The following USP4 variants were observed in gnomAD, a reference collection of about 807,000 sequenced individuals.
USP4 encodes ubiquitin carboxyl-terminal hydrolase 4.
USP4 carries 72 observed loss-of-function variants against 118.2 expected under a neutral mutation model. That is an observed-to-expected ratio of 0.61 (90% CI 0.50 to 0.74). USP4 has a LOEUF of 0.74. Among genes scored for constraint, USP4 ranks in the 30% least tolerant of loss-of-function variants. The probability of loss-of-function intolerance (pLI) is 0.00; values close to 1 mark genes in which losing one functional copy is unlikely to be tolerated. For missense variants in USP4, 1,037 were observed against 1,185.7 expected, an observed-to-expected ratio of 0.87 and a Z score of 1.84; for synonymous variants, 415 against 440.4, an observed-to-expected ratio of 0.94 and a Z score of 0.72.
At chr3:49,318,392 T>A (rs931121102) in intron 6 of USP4, 2 of 985,464 alleles carry the variant, frequency 2.0e-6, no homozygotes, top group Non-Finnish European at 2.4e-6. Context: ...GGGACACCAA[T>A]CTCTTCTGGC....
In USP4 at chr3:49,324,742, T is replaced by A. The variant is rs777065863; in HGVS notation, c.655A>T (p.Asn219Tyr). Residue 219 changes from asparagine (N) to tyrosine (Y), a missense_variant, in exon 6 of 22, where the codon AAT becomes TAT. By Grantham distance (143) the Asn-to-Tyr change is moderately radical. Around this residue, in one of 3 missense-constraint regions of USP4, gnomAD observed 487 missense variants for 534.1 expected, o/e 0.91. Transcript: ENST00000265560. ...QGQVLVIEPQNEDGTWPRQTL... is the reference protein window; with the variant it reads ...QGQVLVIEPQYEDGTWPRQTL... ...TGCCTGGGCCATGTGCCATCTTCAT[T>A]TTGAGGCTCAATTACTAGCACCTGA... 3 of 1,614,186 alleles carry A rather than the reference T, an allele frequency of 1.9e-6. No individual in the cohort carries two copies. Among genetic ancestry groups the A allele is most frequent in the Admixed American group, 1.7e-5 (1 of 60,008 alleles).
Position 49,335,528 on chromosome 3 carries a change from T to C in USP4, c.170A>G (p.Tyr57Cys), listed in dbSNP as rs1255842246. 2 of 1,614,254 alleles carry C rather than the reference T, an allele frequency of 1.2e-6. No individual in the cohort carries two copies. The highest frequency in any genetic ancestry group is 1.1e-5 in the South Asian group (1 of 91,086). Residue 57 changes from tyrosine (Y) to cysteine (C), a missense_variant, in exon 2 of 22, where the codon TAC (tyrosine) becomes TGC (cysteine). Tyr to Cys is a radical substitution (Grantham distance 194, BLOSUM62 -2). Coordinates refer to ENST00000265560, the MANE Select transcript of USP4 (RefSeq NM_003363.4). The part of the protein sequence containing the change: ...KYVGFDSWDM[Y>C]NVGEHNLFPG... The stretch of plus-strand genomic sequence containing the variant: ...AAATAGGTTATGTTCACCCACATTG[T>C]ACATGTCCCAGCTGTCAAAGCCCAC...
At chr3:49,312,503 G>A (rs1317799195) in intron 6 of USP4, 2 of 452,616 alleles carry the variant, frequency 4.4e-6, no homozygotes, top group Non-Finnish European at 8.8e-6. Context: ...CAGATGTGAT[G>A]GCGCTACTCG....
intron 6 of USP4, chr3:49,317,541 TG>T (rs377577076): frequency 9.1e-5 from 51 of 563,144 alleles, no homozygotes; most frequent in Admixed American, 4.3e-4. Flanking sequence ...TTTGTTTGTT[TG>T]TTTTTTTTTT....
chr3:49,335,174 C>A (rs1575624539), intron 2 of USP4, among the ~76,000 whole-genome samples: 1 of 152,302 alleles, frequency 6.6e-6, no homozygotes, highest in African/African-American at 2.4e-5. Context: ...CATCCTATTT[C>A]TTTCCATTCC....
intron 1 of USP4, among the ~76,000 whole-genome samples, chr3:49,336,941 G>A (rs971701382): frequency 1.2e-4 from 19 of 152,116 alleles, no homozygotes; most frequent in Non-Finnish European, 2.8e-4. Context: ...AAATGGGTTA[G>A]AAACACCACC....
At chr3:49,326,630 C>T (rs1178940727) in intron 3 of USP4, among the ~76,000 whole-genome samples, 5 of 151,272 alleles carry the variant, frequency 3.3e-5, no homozygotes, top group African/African-American at 7.3e-5. Context: ...CTCTTAACCT[C>T]GTGATCCGCC....
chr3:49,319,303 CA>C (rs1370012129), intron 6 of USP4, among the ~76,000 whole-genome samples: 6 of 152,046 alleles, frequency 3.9e-5, no homozygotes, highest in Non-Finnish European at 8.8e-5. Context: ...GGCTGGAGTG[CA>C]GTGGCGCGAT....
chr3:49,287,645 G>A (rs921492504), intron 15 of USP4, among the ~76,000 whole-genome samples: 1 of 151,930 alleles, frequency 6.6e-6, no homozygotes, highest in East Asian at 1.9e-4. Context: ...GCTAATTTTT[G>A]TATTTTTAGT....
intron 2 of USP4, among the ~76,000 whole-genome samples, chr3:49,328,188 T>A (rs2047577177): frequency 6.6e-6 from 1 of 151,964 alleles, no homozygotes; most frequent in Non-Finnish European, 1.5e-5. Flanking sequence ...TGAAACCCCG[T>A]CTCTACTAAA....
intron 13 of USP4, among the ~76,000 whole-genome samples, chr3:49,295,000 A>G (rs1042586178): frequency 6.6e-6 from 1 of 152,176 alleles, no homozygotes; most frequent in African/African-American, 2.4e-5. Flanking sequence ...TAAAAAATGT[A>G]TTGAGTTGGC....
chr3:49,280,668 A>G lies in USP4; in HGVS notation c.2644+76T>C, dbSNP rs925257256. The G allele has an allele frequency of 2.1e-5, 26 of 1,239,854 alleles. No homozygotes were observed. The African/African-American group carries it at 3.7e-4, about 18-fold the overall frequency. The allele number at this position is 1,239,854 out of a possible 1,614,324, so 76.8% of individuals were successfully genotyped here. On this transcript the variant is annotated intron_variant, in intron 20 of 21. Coordinates refer to ENST00000265560, the MANE Select transcript of USP4 (RefSeq NM_003363.4). ...CTGCATAAGCAAAGCATTTAGGGCA[A>G]TGCCTGGTCCACTGGTGAGAGATGA...
At chr3:49,304,384 T>C (rs1438051924) in intron 9 of USP4, among the ~76,000 whole-genome samples, 1 of 151,988 alleles carries the variant, frequency 6.6e-6, no homozygotes, top group African/African-American at 2.4e-5. Flanking sequence ...GTTGGGGCAA[T>C]GGAAAGCCCA....
In USP4 at chr3:49,340,005, C is replaced by A. The variant is rs774744848; in HGVS notation, c.20G>T (p.Cys7Phe). ...AGTCTCCGCATCCGGTCGCTCACGG[C>A]AGCCTCCACCTTCCGCCATCTCCTC... MAEGGG[C>F]RERPDAETQK... is the part of the protein sequence containing the mutation. The change falls in exon 1 of 22, where the codon TGC becomes TTC. Residue 7 changes from cysteine to phenylalanine, a missense_variant. Physicochemically the swap from Cys to Phe is radical, Grantham distance 205. Around this residue, in one of 3 missense-constraint regions of USP4, gnomAD observed 487 missense variants for 534.1 expected, o/e 0.91. Coordinates refer to ENST00000265560, the MANE Select transcript of USP4 (RefSeq NM_003363.4). The A allele has an allele frequency of 7.2e-5, 116 of 1,609,480 alleles. No individual in the cohort carries two copies. The highest frequency in any genetic ancestry group is 5.9e-5 in the Non-Finnish European group (70 of 1,179,822).
In USP4 at chr3:49,277,257, A is replaced by C; in HGVS notation, c.*1036T>G. Reference sequence around the variant, plus strand: ...TGCCCCGCGCAGGCCCCAAACCCCCACGGATTAGGTTGAAGGTCAGACAAA... The same window carrying C: ...TGCCCCGCGCAGGCCCCAAACCCCCCCGGATTAGGTTGAAGGTCAGACAAA... On this transcript the variant is annotated 3_prime_UTR_variant, in exon 22 of 22. Coordinates refer to ENST00000265560, the MANE Select transcript of USP4 (RefSeq NM_003363.4). 2.3e-6 allele frequency: 3 copies of C among 1,293,356 alleles called. No individual in the cohort carries two copies. Among genetic ancestry groups the C allele is most frequent in the East Asian group, 5.4e-5 (1 of 18,472 alleles). The allele number at this position is 1,293,356 out of a possible 1,614,324, so 80.1% of individuals were successfully genotyped here. A position where few individuals can be genotyped will look rare whatever the true frequency, so the allele number is the denominator to read the frequency against.
At chr3:49,295,289 A>AG (rs1491460399) in intron 13 of USP4, among the ~76,000 whole-genome samples, 1 of 83,318 alleles carries the variant, frequency 1.2e-5, no homozygotes, top group African/African-American at 5.8e-5. Context: ...ACTCCATCTC[A>AG]AAAAAAAAAA....
At chr3:49,283,652 T>C (rs1482207456) in intron 19 of USP4, among the ~76,000 whole-genome samples, 2 of 152,068 alleles carry the variant, frequency 1.3e-5, no homozygotes, top group African/African-American at 4.8e-5. Flanking sequence ...TTGTCCCCTG[T>C]TGTGCTGCCT....
chr3:49,308,241 C>A (rs1259231824), intron 8 of USP4, among the ~76,000 whole-genome samples: 2 of 152,058 alleles, frequency 1.3e-5, no homozygotes, highest in African/African-American at 2.4e-5. Context: ...TCCAGAAAAA[C>A]CAAAAATGTG....
chr3:49,315,127 A>T (rs1575614075), intron 6 of USP4, among the ~76,000 whole-genome samples: 2 of 151,986 alleles, frequency 1.3e-5, no homozygotes, highest in South Asian at 4.2e-4. Flanking sequence ...CTCTATCCTT[A>T]GGCTGGGTGC....
Sources: gnomAD v4.1 joint callset for allele counts (sites outside exome capture counted in the v4.1 genomes callset) on GRCh38, gnomAD v4.1.1 for gene constraint, gnomAD v4.1.1 regional missense constraint, MANE v1.5 for transcripts, NCBI Gene and HGNC (gene_info 2026-07-23, HGNC 2026-07-21) for gene names.